Variants in PCDHA12 observed in about 807,000 individuals in gnomAD.
The protein encoded by PCDHA12 is protocadherin alpha 12, also known as protocadherin alpha-12.
A neutral mutation model predicts 60.0 loss-of-function variants in PCDHA12; 44 were observed. The observed-to-expected ratio is 0.73, with a 90% CI of 0.58 to 0.94. PCDHA12 has a LOEUF of 0.94. Among genes scored for constraint, PCDHA12 ranks in the 40% least tolerant of loss-of-function variants. The probability of loss-of-function intolerance (pLI) is 0.00; values close to 1 mark genes in which losing one functional copy is unlikely to be tolerated. For synonymous variants in PCDHA12, 569 were observed against 553.0 expected (o/e 1.03, Z -0.40); for missense variants, 1,276 against 1,239.7 (o/e 1.03, Z -0.44).
chr5:140,986,000 A>G (rs549071976), intron 3 of PCDHA12, among the ~76,000 whole-genome samples: 1 of 151,922 alleles, frequency 6.6e-6, no homozygotes, highest in Non-Finnish European at 1.5e-5. Flanking sequence ...CAGCCTCCCA[A>G]AGTGCTGGGA....
At chr5:140,883,593 C>T (rs2059688395) in intron 1 of PCDHA12, 1 of 1,613,954 alleles carries the variant, frequency 6.2e-7, no homozygotes, top group Non-Finnish European at 8.5e-7. Context: ...GCCAGCGTGT[C>T]GGTGGGGGTG....
chr5:140,889,400 A>T (rs187751360), intron 1 of PCDHA12, among the ~76,000 whole-genome samples: 1 of 152,050 alleles, frequency 6.6e-6, no homozygotes, highest in Admixed American at 6.5e-5. Context: ...AGTTTAATTT[A>T]CTCGAGTCAG....
chr5:140,888,802 AGTGATCT>A (rs1418023292), intron 1 of PCDHA12, among the ~76,000 whole-genome samples: 2 of 152,088 alleles, frequency 1.3e-5, no homozygotes, highest in African/African-American at 4.8e-5. Flanking sequence ...GAGGTTGATC[AGTGATCT>A]GTGATCTGTG....
intron 1 of PCDHA12, among the ~76,000 whole-genome samples, chr5:140,903,758 T>TCCACCAAAGCCCAGTAATAGGCCAAGA (rs2070567163): frequency 6.6e-6 from 1 of 152,218 alleles, no homozygotes; most frequent in Non-Finnish European, 1.5e-5. Flanking sequence ...CCTTGATTTT[T>TCCACCAAAGCCCAGTAATAGGCCAAGA]GCTGAACTTT....
chr5:140,926,469 C>A (rs558686220), intron 1 of PCDHA12: 1 of 162,452 alleles, frequency 6.2e-6, no homozygotes, highest in Admixed American at 6.4e-5. Context: ...TAGAAAACAC[C>A]GTTTAAGGAG....
At chr5:140,944,046 G>A (rs782798105) in intron 1 of PCDHA12, among the ~76,000 whole-genome samples, 3 of 152,158 alleles carry the variant, frequency 2.0e-5, no homozygotes, top group Non-Finnish European at 4.4e-5. Context: ...AACCAGATTG[G>A]GATACAAAAA....
intron 1 of PCDHA12, among the ~76,000 whole-genome samples, chr5:140,922,896 A>C (rs551056851): frequency 1.6e-3 from 238 of 152,336 alleles, no homozygotes; most frequent in Non-Finnish European, 2.0e-3. Context: ...TTCAAGAAAA[A>C]ATTTTGAGAT....
At position 140,946,631 on chromosome 5, in the gene PCDHA12, T is replaced by TATATATATATATATATACAC. The variant is rs57893927; in HGVS notation, c.2368-32317_2368-32316insTATATATATATATATACACA. 2.9e-4 allele frequency among the ~76,000 whole-genome samples: 38 copies of TATATATATATATATATACAC among 131,846 alleles called. No individual in the cohort carries two copies. The East Asian group carries it at 4.9e-3, about 17-fold the overall frequency. The allele number at this position is 131,846 out of a possible 152,430, so 86.5% of individuals were successfully genotyped here. A position where few individuals can be genotyped will look rare whatever the true frequency, so the allele number is the denominator to read the frequency against. On this transcript the variant is annotated intron_variant, in intron 1 of 3. Transcript: ENST00000398631. ...TGTGAAATATATATATATATATATATACAATGGAATACTCATCAGCCATTA... is the reference window on the plus strand; with the variant it reads ...TGTGAAATATATATATATATATATATATATATATATATATATACACACAATGGAATACTCATCAGCCATTA...
At chr5:140,993,434 AT>A (rs1243337816) in intron 3 of PCDHA12, among the ~76,000 whole-genome samples, 2 of 150,146 alleles carry the variant, frequency 1.3e-5, no homozygotes, top group Non-Finnish European at 3.0e-5. Flanking sequence ...TAAAATCCTT[AT>A]TCATTCCTGT....
intron 1 of PCDHA12, among the ~76,000 whole-genome samples, chr5:140,936,196 G>A (rs1251323087): frequency 1.3e-5 from 2 of 152,072 alleles, no homozygotes; most frequent in African/African-American, 4.8e-5. Flanking sequence ...CCCAGCCAAA[G>A]TTGTCTTTTT....
At chr5:140,969,038 A>G in intron 1 of PCDHA12, 1 of 1,614,148 alleles carries the variant, frequency 6.2e-7, no homozygotes, top group South Asian at 1.1e-5. Context: ...AGAACTGTAC[A>G]AACAAGCCAA....
Position 140,910,294 on chromosome 5 carries a change from A to C in PCDHA12, c.2367+32455A>C, listed in dbSNP as rs146332329. Among the ~76,000 whole-genome samples, 1,310 of 151,558 alleles carry C rather than the reference A, an allele frequency of 8.6e-3. 14 individuals carry two copies. The highest frequency in any genetic ancestry group is 0.03 in the African/African-American group (1,252 of 41,252). ...TCTAGGAACACCATGATTAATCAAC[A>C]GATGCCAGAGATCTACATGAGTCAG... On this transcript the variant is annotated intron_variant, in intron 1 of 3. Transcript: ENST00000398631.
intron 1 of PCDHA12, among the ~76,000 whole-genome samples, chr5:140,943,772 T>G (rs371770047): frequency 2.9e-4 from 44 of 152,232 alleles, no homozygotes; most frequent in African/African-American, 6.7e-4. Context: ...GGAAAAAAAC[T>G]AGGAAGTGGT....
At chr5:140,929,104 A>G in intron 1 of PCDHA12, 1 of 1,614,240 alleles carries the variant, frequency 6.2e-7, no homozygotes. Flanking sequence ...TCCTTGCATG[A>G]CATCAGCCAC....
At chr5:140,945,131 A>C (rs1484443084) in intron 1 of PCDHA12, among the ~76,000 whole-genome samples, 1 of 152,202 alleles carries the variant, frequency 6.6e-6, no homozygotes, top group Non-Finnish European at 1.5e-5. Context: ...CAACTTACAA[A>C]AATCAATAGC....
intron 3 of PCDHA12, among the ~76,000 whole-genome samples, chr5:140,996,256 A>C (rs2097718697): frequency 6.6e-6 from 1 of 152,252 alleles, no homozygotes. Flanking sequence ...TGACAGCAAC[A>C]CAGAGCCTGG....
At chr5:140,996,884 A>T (rs1411027110) in intron 3 of PCDHA12, among the ~76,000 whole-genome samples, 1 of 152,186 alleles carries the variant, frequency 6.6e-6, no homozygotes, top group African/African-American at 2.4e-5. Flanking sequence ...TGTATTTTTA[A>T]ATAAAATAGA....
Position 140,954,691 on chromosome 5 carries a change from A to G in PCDHA12, c.2368-24258A>G, listed in dbSNP as rs561318179. Among the ~76,000 whole-genome samples the G allele has an allele frequency of 9.2e-5, 14 of 152,162 alleles. No homozygotes were observed. The East Asian group carries it at 2.5e-3, about 27-fold the overall frequency. ...TATTAGACTTTTGTCAGATGGATAG[A>G]CTACAAAATTTTTCTCCCATTCTGT... On this transcript the variant is annotated intron_variant, in intron 1 of 3. Coordinates refer to ENST00000398631, the MANE Select transcript of PCDHA12 (RefSeq NM_018903.4).
Position 141,009,639 on chromosome 5 carries a change from G to A in PCDHA12, c.2528G>A (p.Gly843Glu). The stretch of plus-strand genomic sequence containing the variant: ...TTTTGTCTTTCAGAACCAGAGGCAG[G>A]AGAAGTGTCCCCTCCAGTCGGTGCG... ...VSSATPEPEA[G>E]EVSPPVGAGV... The change falls in exon 4 of 4, where the codon GGA becomes GAA. Residue 843 changes from glycine to glutamate, a missense_variant. Transcript: ENST00000398631. The A allele has an allele frequency of 6.2e-7, 1 of 1,613,406 alleles. No individual in the cohort carries two copies. The highest frequency in any genetic ancestry group is 8.5e-7 in the Non-Finnish European group (1 of 1,179,594).
Sources: allele counts gnomAD v4.1 joint callset (sites outside exome capture counted in the v4.1 genomes callset), GRCh38; gene constraint gnomAD v4.1.1; transcripts MANE v1.5; gene names NCBI Gene and HGNC (gene_info 2026-07-23, HGNC 2026-07-21).